The following KIRREL3 variants were observed in gnomAD, a reference collection of about 807,000 sequenced individuals.
KIRREL3 encodes the protein kin of IRRE-like protein 3.
Under a neutral mutation model 89.7 loss-of-function variants are expected in KIRREL3, and 36 were observed. The ratio of observed to expected loss-of-function variants is 0.40; its 90% CI spans 0.31 to 0.53. KIRREL3 has a LOEUF of 0.53. KIRREL3 is among the 20% of genes least tolerant of loss of function. KIRREL3 has a pLI of 0.49. For synonymous variants in KIRREL3, 445 were observed against 441.4 expected, an observed-to-expected ratio of 1.01 and a Z score of -0.10; for missense variants, 864 against 1,056.6, an observed-to-expected ratio of 0.82 and a Z score of 2.53.
rs1041443888 is a variant in KIRREL3 at position 126,520,220 on chromosome 11, C to G, written c.433+1095G>C. Among the ~76,000 whole-genome samples, 5 of 152,230 alleles carry G rather than the reference C, an allele frequency of 3.3e-5. No homozygotes were observed. Among genetic ancestry groups the G allele is most frequent in the African/African-American group, 9.6e-5 (4 of 41,460 alleles). On this transcript the variant is annotated intron_variant, in intron 4 of 16. Transcript: ENST00000525144. This position sits in a 1 kb window ranked among gnomAD's most constrained non-coding sequence, Gnocchi z 4.9. ...GTGCTTTAGCTGCCAGGAGAGGAGGCAGCACCCCAGCTGCTGACCCTGTTG... is the reference window on the plus strand; with the variant it reads ...GTGCTTTAGCTGCCAGGAGAGGAGGGAGCACCCCAGCTGCTGACCCTGTTG...
At position 126,993,456 on chromosome 11, in the gene KIRREL3, C is replaced by A. The variant is rs112572712; in HGVS notation, c.55+6999G>T. ...ATGCTTCGTTTAGAGAACTCTTGAGCATCCTATAATATCAAGCATGATGTC... is the reference window on the plus strand; with the variant it reads ...ATGCTTCGTTTAGAGAACTCTTGAGAATCCTATAATATCAAGCATGATGTC... On this transcript the variant is annotated intron_variant, in intron 1 of 16. Coordinates refer to ENST00000525144, the MANE Select transcript of KIRREL3 (RefSeq NM_032531.4). The surrounding 1 kb of genome is among the most constrained non-coding windows in gnomAD (Gnocchi z 6.1). Among the ~76,000 whole-genome samples, 199 of 152,324 alleles carry A rather than the reference C, an allele frequency of 1.3e-3. 1 individual carries two copies. The highest frequency in any genetic ancestry group is 4.5e-3 in the African/African-American group (187 of 41,568).
At chr11:126,451,054 T>G (rs1054801753) in intron 7 of KIRREL3, among the ~76,000 whole-genome samples, 1 of 148,412 alleles carries the variant, frequency 6.7e-6, no homozygotes, top group Admixed American at 6.7e-5. Flanking sequence ...AGCATGTGCA[T>G]GTGTGCATGC....
chr11:126,603,316 C>T (rs564627205), intron 1 of KIRREL3, among the ~76,000 whole-genome samples: 1 of 152,198 alleles, frequency 6.6e-6, no homozygotes, highest in African/African-American at 2.4e-5. Flanking sequence ...CACAGCAACT[C>T]GTTTGGGGAG....
chr11:126,574,247 T>C lies in KIRREL3; in HGVS notation c.56-11335A>G, dbSNP rs1169598735. 6.6e-6 allele frequency among the ~76,000 whole-genome samples: 1 copy of C among 152,228 alleles called. No individual in the cohort carries two copies. The highest frequency in any genetic ancestry group is 1.5e-5 in the Non-Finnish European group (1 of 68,042). On this transcript the variant is annotated intron_variant, in intron 1 of 16. Coordinates refer to ENST00000525144, the MANE Select transcript of KIRREL3 (RefSeq NM_032531.4). This position sits in a 1 kb window ranked among gnomAD's most constrained non-coding sequence, Gnocchi z 5.3. Reference sequence around the variant, plus strand: ...CAACCTCCCTTGCTCAAAATCACCCTGCTGCTAATGGCAGGGCTAGGATTT... The same window carrying C: ...CAACCTCCCTTGCTCAAAATCACCCCGCTGCTAATGGCAGGGCTAGGATTT...
chr11:126,620,951 G>A lies in KIRREL3; in HGVS notation c.56-58039C>T, dbSNP rs191727268. Among the ~76,000 whole-genome samples, 2 of 152,306 alleles carry A rather than the reference G, an allele frequency of 1.3e-5. No individual in the cohort carries two copies. Among genetic ancestry groups the A allele is most frequent in the East Asian group, 3.9e-4 (2 of 5,180 alleles). Reference sequence around the variant, plus strand: ...TCTGGACTCATAGGTCTTTGGAACTGACCTGTGTGCCTGACTTGCAGACTT... The same window carrying A: ...TCTGGACTCATAGGTCTTTGGAACTAACCTGTGTGCCTGACTTGCAGACTT... On this transcript the variant is annotated intron_variant, in intron 1 of 16. Coordinates refer to ENST00000525144, the MANE Select transcript of KIRREL3 (RefSeq NM_032531.4). This position sits in a 1 kb window ranked among gnomAD's most constrained non-coding sequence, Gnocchi z 4.8.
intron 1 of KIRREL3, among the ~76,000 whole-genome samples, chr11:126,644,499 G>A (rs953299383): frequency 6.6e-6 from 1 of 152,192 alleles, no homozygotes; most frequent in African/African-American, 2.4e-5. Context: ...GGGGAAGACT[G>A]CTGGGACCTG....
chr11:126,856,319 G>A lies in KIRREL3; in HGVS notation c.55+144136C>T, dbSNP rs116265437. ...TGCTTCTGCATTGAAATGTTGGAACGGGGAACAAGTGAAGACAAGATGGCC... is the reference window on the plus strand; with the variant it reads ...TGCTTCTGCATTGAAATGTTGGAACAGGGAACAAGTGAAGACAAGATGGCC... On this transcript the variant is annotated intron_variant, in intron 1 of 16. Coordinates refer to ENST00000525144, the MANE Select transcript of KIRREL3 (RefSeq NM_032531.4). 2.1e-3 allele frequency among the ~76,000 whole-genome samples: 320 copies of A among 152,154 alleles called. 2 individuals are homozygous for A. The highest frequency in any genetic ancestry group is 7.3e-3 in the African/African-American group (301 of 41,502).
chr11:126,883,508 G>A lies in KIRREL3; in HGVS notation c.55+116947C>T, dbSNP rs540126954. 2.0e-5 allele frequency among the ~76,000 whole-genome samples: 3 copies of A among 152,096 alleles called. No homozygotes were observed. Among genetic ancestry groups the A allele is most frequent in the African/African-American group, 4.8e-5 (2 of 41,486 alleles). Reference sequence around the variant, plus strand: ...TCATGCTGGCAACTCTGCTTGAAACGTCCTTAACTCATCTTCTCCACCTGG... The same window carrying A: ...TCATGCTGGCAACTCTGCTTGAAACATCCTTAACTCATCTTCTCCACCTGG... On this transcript the variant is annotated intron_variant, in intron 1 of 16. Coordinates refer to ENST00000525144, the MANE Select transcript of KIRREL3 (RefSeq NM_032531.4). The surrounding 1 kb of genome is among the most constrained non-coding windows in gnomAD (Gnocchi z 4.1).
chr11:126,629,533 G>T (rs563878315), intron 1 of KIRREL3, among the ~76,000 whole-genome samples: 1 of 152,310 alleles, frequency 6.6e-6, no homozygotes, highest in South Asian at 2.1e-4. Flanking sequence ...TAGGGGTGGA[G>T]GGACCGTTGG....
rs1948376324 is a variant in KIRREL3 at position 126,940,101 on chromosome 11, A to G, written c.55+60354T>C. ...ATTTAGCTCATTGAACAGATCATCA[A>G]ATGCCCACTCCCCCAAGAAAAGAAG... On this transcript the variant is annotated intron_variant, in intron 1 of 16. Coordinates refer to ENST00000525144, the MANE Select transcript of KIRREL3 (RefSeq NM_032531.4). This position sits in a 1 kb window ranked among gnomAD's most constrained non-coding sequence, Gnocchi z 4.6. 6.6e-6 allele frequency among the ~76,000 whole-genome samples: 1 copy of G among 152,108 alleles called. No homozygotes were observed. Among genetic ancestry groups the G allele is most frequent in the South Asian group, 2.1e-4 (1 of 4,816 alleles).
rs1281731887 is a variant in KIRREL3, at chr11:126,471,708, G to T, written c.591+1601C>A. ...TGGACTATGGAGCCTGATGAAAAAA[G>T]GCTGTGGGGGCCTGGGCTCTGGATT... On this transcript the variant is annotated intron_variant, in intron 5 of 16. Transcript: ENST00000525144. The surrounding 1 kb of genome is among the most constrained non-coding windows in gnomAD (Gnocchi z 5.4). 6.6e-6 allele frequency among the ~76,000 whole-genome samples: 1 copy of T among 152,024 alleles called. No homozygotes were observed. The highest frequency in any genetic ancestry group is 1.5e-5 in the Non-Finnish European group (1 of 67,972).
rs143283835 is a variant in KIRREL3, at chr11:126,826,431, T to TA, written c.55+174023dup. On this transcript the variant is annotated intron_variant, in intron 1 of 16. Transcript: ENST00000525144. ...GCAGCCAATCATCAGCTATTTTTTT[T>TA]ATTGCTGTTTATTAAGTGGGTCCCT... is the stretch of plus-strand genomic sequence containing the variant. Among the ~76,000 whole-genome samples the TA allele has an allele frequency of 7.9e-5, 12 of 152,324 alleles. No homozygotes were observed. In the East Asian group the frequency reaches 2.3e-3, roughly 29 times the overall value.
chr11:126,487,944 G>A (rs750213717), intron 4 of KIRREL3, among the ~76,000 whole-genome samples: 12 of 152,228 alleles, frequency 7.9e-5, no homozygotes, highest in Non-Finnish European at 1.8e-4. Flanking sequence ...CTTCCACTAC[G>A]GGGTGCCGCT....
intron 11 of KIRREL3, 115 bp from the exon 12 acceptor site, chr11:126,437,124 A>C: frequency 1.1e-6 from 1 of 894,062 alleles, no homozygotes; most frequent in Non-Finnish European, 1.6e-6. Context: ...CCACACACTA[A>C]CACATGTGCA....
intron 1 of KIRREL3, among the ~76,000 whole-genome samples, chr11:126,646,473 A>ATTTT (rs71279461): frequency 0.067 from 8,504 of 127,240 alleles, 432 homozygotes; most frequent in East Asian, 0.18. Context: ...TGCCCCAAGT[A>ATTTT]TTTTTTTTTT....
rs546196744 is a variant in KIRREL3 at position 126,755,199 on chromosome 11, A to T, written c.56-192287T>A. Among the ~76,000 whole-genome samples the T allele has an allele frequency of 7.9e-5, 12 of 152,304 alleles. No homozygotes were observed. The highest frequency in any genetic ancestry group is 2.9e-4 in the African/African-American group (12 of 41,560). On this transcript the variant is annotated intron_variant, in intron 1 of 16. Coordinates refer to ENST00000525144, the MANE Select transcript of KIRREL3 (RefSeq NM_032531.4). This position sits in a 1 kb window ranked among gnomAD's most constrained non-coding sequence, Gnocchi z 4.3. ...GTCTGTGGCCCAAAGGTAGGGCATTAAGTAACCAGAGGGAAAAAAATGTAT... is the reference window on the plus strand; with the variant it reads ...GTCTGTGGCCCAAAGGTAGGGCATTTAGTAACCAGAGGGAAAAAAATGTAT...
Position 126,640,090 on chromosome 11 carries a change from C to A in KIRREL3, c.56-77178G>T, listed in dbSNP as rs944491206. On this transcript the variant is annotated intron_variant, in intron 1 of 16. Transcript: ENST00000525144. This position sits in a 1 kb window ranked among gnomAD's most constrained non-coding sequence, Gnocchi z 4.9. The stretch of plus-strand genomic sequence containing the variant: ...CCCAGAGAAGACAATTAATCTCCCA[C>A]CTTCCCAAGCCAGTACTGTTTTATT... Among the ~76,000 whole-genome samples, 3 of 152,180 alleles carry A rather than the reference C, an allele frequency of 2.0e-5. No homozygotes were observed. The highest frequency in any genetic ancestry group is 4.4e-5 in the Non-Finnish European group (3 of 68,032).
At chr11:126,517,206 T>C (rs1346023430) in intron 4 of KIRREL3, among the ~76,000 whole-genome samples, 1 of 149,386 alleles carries the variant, frequency 6.7e-6, no homozygotes, top group Admixed American at 6.7e-5. Context: ...TTCTATGACA[T>C]TGGTATTTTT....
Position 126,887,839 on chromosome 11 carries a change from T to C in KIRREL3, c.55+112616A>G, listed in dbSNP as rs76289513. Among the ~76,000 whole-genome samples, 35 of 152,264 alleles carry C rather than the reference T, an allele frequency of 2.3e-4. No homozygotes were observed. The East Asian group carries it at 5.0e-3, about 22-fold the overall frequency. On this transcript the variant is annotated intron_variant, in intron 1 of 16. Transcript: ENST00000525144. ...ATGAAGATAGGCGTAACCTTCAGAA[T>C]CAGTTAAACATAGGTGAGGTCACCT...
Sources: gnomAD v4.1 joint callset for allele counts (sites outside exome capture counted in the v4.1 genomes callset) on GRCh38, gnomAD v4.1.1 for gene constraint, Gnocchi (gnomAD v3.1) non-coding constraint, MANE v1.5 for transcripts, NCBI Gene and HGNC (gene_info 2026-07-23, HGNC 2026-07-21) for gene names.